EN2: variants seen among roughly 807,000 people sequenced by gnomAD.
EN2 encodes engrailed homeobox 2, also known as homeobox protein engrailed-2.
A neutral mutation model predicts 25.0 loss-of-function variants in EN2; 7 were observed. The observed-to-expected ratio is 0.28, with a 90% CI of 0.16 to 0.53. The LOEUF (loss-of-function observed/expected upper bound fraction) is 0.53, where lower values mean the gene tolerates loss of function less well. Ranked by LOEUF, EN2 falls within the 20% of genes least tolerant of loss-of-function variation. EN2 has a pLI of 0.96. For synonymous variants in EN2, 277 were observed against 243.3 expected, an observed-to-expected ratio of 1.14 and a Z score of -1.29; for missense variants, 524 against 501.8, an observed-to-expected ratio of 1.04 and a Z score of -0.42.
At position 155,458,924 on chromosome 7, in the gene EN2, G is replaced by A. The variant is rs990917980; in HGVS notation, c.547G>A (p.Ala183Thr). The A allele has an allele frequency of 5.3e-6, 8 of 1,517,230 alleles. No homozygotes were observed. The African/African-American group carries it at 8.6e-5, about 16-fold the overall frequency. The allele number at this position is 1,517,230 out of a possible 1,614,324, so 94.0% of individuals were successfully genotyped here. ...CGGCCCCCTGGACGGGTCGCTCAAG[G>A]CCCGCGGCTTGGGCGGCGGCGACCT... Reference protein sequence around the residue: ...PGGPLDGSLKARGLGGGDLSV... With the variant: ...PGGPLDGSLKTRGLGGGDLSV... Residue 183 changes from alanine (A) to threonine (T), a missense_variant, in exon 1 of 2, where the codon GCC becomes ACC. Ala to Thr is a moderately conservative substitution (Grantham distance 58). Coordinates refer to ENST00000297375, the MANE Select transcript of EN2 (RefSeq NM_001427.4).
chr7:155,463,699 G>C lies in EN2; in HGVS notation c.*1012G>C, dbSNP rs994970243. The C allele has an allele frequency of 6.6e-6, 1 of 152,164 alleles. No individual in the cohort carries two copies. The highest frequency in any genetic ancestry group is 1.5e-5 in the Non-Finnish European group (1 of 68,048). 9.4% of individuals were successfully genotyped at this position (152,164 alleles called of 1,614,324 possible). A position where few individuals can be genotyped will look rare whatever the true frequency, so the allele number is the denominator to read the frequency against. On this transcript the variant is annotated 3_prime_UTR_variant, in exon 2 of 2. Coordinates refer to ENST00000297375, the MANE Select transcript of EN2 (RefSeq NM_001427.4). ...CTGGGGTGTGTGGCCTAAAGCCCAA[G>C]AGCGGTGGGGCGACCCTCCTTTTGG...
At chr7:155,460,847 G>C (rs754657405) in intron 1 of EN2, among the ~76,000 whole-genome samples, 2 of 152,216 alleles carry the variant, frequency 1.3e-5, no homozygotes, top group Non-Finnish European at 2.9e-5. Flanking sequence ...CATGGGGTGG[G>C]TGCCCAAGTA....
chr7:155,459,309 CTCTG>C (rs1328450334), intron 1 of EN2, among the ~76,000 whole-genome samples: 1 of 152,160 alleles, frequency 6.6e-6, no homozygotes, highest in Non-Finnish European at 1.5e-5. Context: ...TTCTTTCTTT[CTCTG>C]TCTCTCTCTC....
chr7:155,458,887 C>T lies in EN2; in HGVS notation c.510C>T (p.Gly170=), dbSNP rs754732993. ...TLSLHGGAKK[G]GDPGGPLDGS... is the part of the protein sequence containing the mutation. ...CGCTGCACGGTGGCGCCAAGAAAGG[C>T]GGCGACCCCGGCGGCCCCCTGGACG... The change falls in exon 1 of 2, where the codon GGC becomes GGT. Residue 170 remains glycine (G), a synonymous_variant. Transcript: ENST00000297375. The T allele has an allele frequency of 8.0e-6, 12 of 1,495,110 alleles. No individual in the cohort carries two copies. Among genetic ancestry groups the T allele is most frequent in the Middle Eastern group, 2.0e-4 (1 of 5,012 alleles). 92.6% of individuals were successfully genotyped at this position (1,495,110 alleles called of 1,614,324 possible). A position where few individuals can be genotyped will look rare whatever the true frequency, so the allele number is the denominator to read the frequency against.
rs12674067 is a variant in EN2 at position 155,462,690 on chromosome 7, C to T, written c.*3C>T. 0.044 allele frequency: 68,635 copies of T among 1,566,738 alleles called. 1,540 individuals carry two copies. Among genetic ancestry groups the T allele is most frequent in the East Asian group, 0.071 (3,018 of 42,286 alleles). On this transcript the variant is annotated 3_prime_UTR_variant, in exon 2 of 2. Transcript: ENST00000297375. The stretch of plus-strand genomic sequence containing the variant: ...AGGGCAAGTCGGACAGCGAGTAGGG[C>T]GGGGGGCATGGAGGCCAGGTCTCAG...
intron 1 of EN2, among the ~76,000 whole-genome samples, chr7:155,460,434 A>G (rs546360134): frequency 2.8e-4 from 43 of 152,294 alleles, no homozygotes; most frequent in African/African-American, 9.9e-4. Flanking sequence ...GAAAGGGGAG[A>G]GAGAGTTTTC....
Position 155,458,694 on chromosome 7 carries a change from C to G in EN2, c.317C>G (p.Ala106Gly). Residue 106 changes from alanine to glycine, a missense_variant, in exon 1 of 2, where the codon GCG (alanine) becomes GGG (glycine). Coordinates refer to ENST00000297375, the MANE Select transcript of EN2 (RefSeq NM_001427.4). ...GGCGGAGCCGGCGGCGAAGGCGGCG[C>G]GAGCGGTGCGGAGGGAGGCGGCGGC... is the stretch of plus-strand genomic sequence containing the variant. ...RGGGAGGEGG[A>G]SGAEGGGGAG... 2 of 1,338,446 alleles carry G rather than the reference C, an allele frequency of 1.5e-6. No homozygotes were observed. Among genetic ancestry groups the G allele is most frequent in the Non-Finnish European group, 1.9e-6 (2 of 1,052,288 alleles). 82.9% of individuals were successfully genotyped at this position (1,338,446 alleles called of 1,614,324 possible). A position where few individuals can be genotyped will look rare whatever the true frequency, so the allele number is the denominator to read the frequency against.
In EN2 at chr7:155,464,517, A is replaced by C. The variant is rs570301953; in HGVS notation, c.*1830A>C. ...TAGTGTAAACCTTTTTAAAAAGGAAAGTATAAAAACAAAAGTTGTAATTTA... is the reference window on the plus strand; with the variant it reads ...TAGTGTAAACCTTTTTAAAAAGGAACGTATAAAAACAAAAGTTGTAATTTA... On this transcript the variant is annotated 3_prime_UTR_variant, in exon 2 of 2. Coordinates refer to ENST00000297375, the MANE Select transcript of EN2 (RefSeq NM_001427.4). 6.5e-6 allele frequency: 1 copy of C among 152,798 alleles called. No individual in the cohort carries two copies. Among genetic ancestry groups the C allele is most frequent in the East Asian group, 1.9e-4 (1 of 5,194 alleles). The allele number at this position is 152,798 out of a possible 1,614,324, so 9.5% of individuals were successfully genotyped here. A position where few individuals can be genotyped will look rare whatever the true frequency, so the allele number is the denominator to read the frequency against.
intron 1 of EN2, among the ~76,000 whole-genome samples, chr7:155,461,423 G>A (rs2116602248): frequency 1.3e-5 from 2 of 152,324 alleles, no homozygotes; most frequent in Non-Finnish European, 2.9e-5. Context: ...ATGGATAGCA[G>A]GTCCTAGAAG....
Position 155,464,060 on chromosome 7 carries a change from C to T in EN2, c.*1373C>T, listed in dbSNP as rs1257106688. ...CCACAGTTCTGAAACATGTGGCTAC[C>T]TTGTCTTTCAAAAGAACTCAGAATC... On this transcript the variant is annotated 3_prime_UTR_variant, in exon 2 of 2. Transcript: ENST00000297375. 6.6e-6 allele frequency: 1 copy of T among 152,046 alleles called. No individual in the cohort carries two copies. Among genetic ancestry groups the T allele is most frequent in the African/African-American group, 2.4e-5 (1 of 41,400 alleles). The allele number at this position is 152,046 out of a possible 1,614,324, so 9.4% of individuals were successfully genotyped here. A position where few individuals can be genotyped will look rare whatever the true frequency, so the allele number is the denominator to read the frequency against.
chr7:155,462,236 A>G, intron 1 of EN2, 135 bp from the exon 2 acceptor site: 4 of 967,398 alleles, frequency 4.1e-6, no homozygotes, highest in Non-Finnish European at 6.2e-6. Flanking sequence ...GTCTAGCCCC[A>G]CATCTGGCGG....
At chr7:155,461,569 C>T (rs1795697454) in intron 1 of EN2, among the ~76,000 whole-genome samples, 1 of 152,204 alleles carries the variant, frequency 6.6e-6, no homozygotes, top group Non-Finnish European at 1.5e-5. Context: ...AGCTGGGCTA[C>T]CCTGCTGCCC....
At position 155,458,568 on chromosome 7, in the gene EN2, A is replaced by T; in HGVS notation, c.191A>T (p.His64Leu). ...LQAPGNHQHP[H>L]RITNFFIDNI... ...GCGCCCGGCAACCACCAGCACCCGC[A>T]CCGCATCACCAACTTCTTCATCGAC... Residue 64 changes from histidine (H) to leucine (L), a missense_variant, in exon 1 of 2, where the codon CAC (histidine) becomes CTC (leucine). Physicochemically the swap from His to Leu is moderately conservative, Grantham distance 99. Coordinates refer to ENST00000297375, the MANE Select transcript of EN2 (RefSeq NM_001427.4). The T allele has an allele frequency of 6.8e-7, 1 of 1,468,696 alleles. No homozygotes were observed. Among genetic ancestry groups the T allele is most frequent in the South Asian group, 1.4e-5 (1 of 71,848 alleles). 91.0% of individuals were successfully genotyped at this position (1,468,696 alleles called of 1,614,324 possible).
In EN2 at chr7:155,458,141, T is replaced by C. The variant is rs1354673834; in HGVS notation, c.-237T>C. On this transcript the variant is annotated 5_prime_UTR_variant, in exon 1 of 2. Transcript: ENST00000297375. ...TGGCTCTGTTGAATCTCTCATCGTC[T>C]GGGCGAGCGGGGCGGCTCGTGGTGT... 1 of 411,462 alleles carries C rather than the reference T, an allele frequency of 2.4e-6. No homozygotes were observed. Among genetic ancestry groups the C allele is most frequent in the Admixed American group, 4.6e-5 (1 of 21,870 alleles). The allele number at this position is 411,462 out of a possible 1,614,324, so 25.5% of individuals were successfully genotyped here.
chr7:155,463,505 T>TCTCTTTCCTCCTCCTC lies in EN2; in HGVS notation c.*822_*837dup, dbSNP rs1795723387. ...CTCCTCCTTCCTTCCTCCTCCTCCTTCTCTTTCCTCCTCCTCCTCACCAAG... is the reference window on the plus strand; with the variant it reads ...CTCCTCCTTCCTTCCTCCTCCTCCTTCTCTTTCCTCCTCCTCCTCTTTCCTCCTCCTCCTCACCAAG... On this transcript the variant is annotated 3_prime_UTR_variant, in exon 2 of 2. Transcript: ENST00000297375. 6.7e-6 allele frequency: 1 copy of TCTCTTTCCTCCTCCTC among 150,356 alleles called. No homozygotes were observed. The highest frequency in any genetic ancestry group is 2.6e-5 in the African/African-American group (1 of 39,194). 9.3% of individuals were successfully genotyped at this position (150,356 alleles called of 1,614,324 possible). A position where few individuals can be genotyped will look rare whatever the true frequency, so the allele number is the denominator to read the frequency against.
Position 155,459,078 on chromosome 7 carries a change from CCACGCGTCCCGGCTCGCCGCGGGGAG to C in EN2, c.685+17_685+42del. 6.4e-7 allele frequency: 1 copy of C among 1,561,764 alleles called. No homozygotes were observed. The highest frequency in any genetic ancestry group is 8.6e-7 in the Non-Finnish European group (1 of 1,164,110). The stretch of plus-strand genomic sequence containing the variant: ...CCTTCTTCAGGTGAGCCCGCGGGGA[CCACGCGTCCCGGCTCGCCGCGGGGAG>C]GCCCGCGGAGCTGGGGGGCGGTGCT... On this transcript the variant is annotated intron_variant, in intron 1 of 1. Transcript: ENST00000297375.
Position 155,458,762 on chromosome 7 carries a change from C to G in EN2, c.385C>G (p.Pro129Ala). 7.3e-7 allele frequency: 1 copy of G among 1,368,858 alleles called. No homozygotes were observed. The highest frequency in any genetic ancestry group is 9.4e-7 in the Non-Finnish European group (1 of 1,069,380). The allele number at this position is 1,368,858 out of a possible 1,614,324, so 84.8% of individuals were successfully genotyped here. The change falls in exon 1 of 2, where the codon CCC becomes GCC. Residue 129 changes from proline (P) to alanine (A), a missense_variant. Physicochemically the swap from Pro to Ala is conservative, Grantham distance 27. Transcript: ENST00000297375. The stretch of plus-strand genomic sequence containing the variant: ...GCTCTTGGGCTCGGGCTCCCGAGAG[C>G]CCCGGCAGAACCCGCCATGTGCGCC... ...EQLLGSGSRE[P>A]RQNPPCAPGA...
rs1217167609 is a variant in EN2, at chr7:155,459,052, G to A, written c.675G>A (p.Arg225=). The A allele has an allele frequency of 3.8e-6, 6 of 1,578,020 alleles. No homozygotes were observed. In the African/African-American group the frequency reaches 8.3e-5, roughly 22 times the overall value. Residue 225 remains arginine (R), a synonymous_variant, in exon 1 of 2, where the codon CGG becomes CGA. Coordinates refer to ENST00000297375, the MANE Select transcript of EN2 (RefSeq NM_001427.4). ...AWVYCTRYSD[R]PSSGPRSRKP... Reference sequence around the variant, plus strand: ...TCTACTGTACGCGCTACTCGGACCGGCCTTCTTCAGGTGAGCCCGCGGGGA... The same window carrying A: ...TCTACTGTACGCGCTACTCGGACCGACCTTCTTCAGGTGAGCCCGCGGGGA...
In EN2 at chr7:155,462,998, C is replaced by T. The variant is rs1795714501; in HGVS notation, c.*311C>T. 2 of 223,634 alleles carry T rather than the reference C, an allele frequency of 8.9e-6. No individual in the cohort carries two copies. The highest frequency in any genetic ancestry group is 1.7e-5 in the Non-Finnish European group (2 of 116,052). 13.9% of individuals were successfully genotyped at this position (223,634 alleles called of 1,614,324 possible). On this transcript the variant is annotated 3_prime_UTR_variant, in exon 2 of 2. Transcript: ENST00000297375. ...TAATCCCCTAAGCTCCATTATATGA[C>T]ATTGGACACTTTTTTATTATTCCAA...
Sources: allele counts gnomAD v4.1 joint callset (sites outside exome capture counted in the v4.1 genomes callset), GRCh38; gene constraint gnomAD v4.1.1; transcripts MANE v1.5; gene names NCBI Gene and HGNC (gene_info 2026-07-23, HGNC 2026-07-21).